TBC1D16: variants seen among roughly 807,000 people sequenced by gnomAD.
TBC1D16 encodes the protein CTD-2529O21.1.
In TBC1D16, 58 loss-of-function variants were observed where a neutral mutation model predicts 74.7. The observed-to-expected ratio is 0.78, with a 90% CI of 0.63 to 0.97. The LOEUF (loss-of-function observed/expected upper bound fraction) is 0.97, where lower values mean the gene tolerates loss of function less well. TBC1D16 is among the 50% of genes least tolerant of loss of function. The probability of loss-of-function intolerance (pLI) is 0.00; values close to 1 mark genes in which losing one functional copy is unlikely to be tolerated. For missense variants in TBC1D16, 1,014 were observed against 1,079.5 expected, an observed-to-expected ratio of 0.94 and a Z score of 0.85; for synonymous variants, 493 against 474.7, an observed-to-expected ratio of 1.04 and a Z score of -0.50.
rs887075318 is a variant in TBC1D16, at chr17:80,010,593, T to C, written c.346A>G (p.Thr116Ala). ...RKAPRPRGRR[T>A]RSSGASHQPS... ...TGGTGGGAGGCTCCTGAGCTCCGGG[T>C]GCGCCGGCCCCGAGGGCGGGGTGCC... Residue 116 changes from threonine (T) to alanine (A), a missense_variant, in exon 3 of 12, where the codon ACC becomes GCC. Transcript: ENST00000310924. This position sits in a 1 kb window ranked among gnomAD's most constrained non-coding sequence, Gnocchi z 8.8. 1 of 1,590,370 alleles carries C rather than the reference T, an allele frequency of 6.3e-7. No homozygotes were observed. The highest frequency in any genetic ancestry group is 1.1e-5 in the South Asian group (1 of 87,768).
intron 10 of TBC1D16, among the ~76,000 whole-genome samples, chr17:79,942,784 C>T (rs759530026): frequency 3.9e-5 from 6 of 152,196 alleles, no homozygotes; most frequent in Admixed American, 3.9e-4. Context: ...CCTAACAGAG[C>T]GGGCACAGCA....
chr17:79,948,795 C>G, intron 8 of TBC1D16, 77 bp downstream of exon 8: 18 of 1,587,804 alleles, frequency 1.1e-5, no homozygotes, highest in Admixed American at 1.0e-4. Flanking sequence ...TCGCTGGGGG[C>G]TCATCCACTT....
chr17:79,973,709 C>T (rs1358188249), intron 3 of TBC1D16, among the ~76,000 whole-genome samples: 1 of 95,258 alleles, frequency 1.0e-5, no homozygotes, highest in Non-Finnish European at 2.2e-5. Context: ...GACTCTGTCT[C>T]AAAAAAAAAA....
At position 80,035,653 on chromosome 17, in the gene TBC1D16, T is replaced by C. The variant is rs1158977129; in HGVS notation, c.-63+142A>G. Reference sequence around the variant, plus strand: ...AGGACGGCGGCCGGACCCCGGCCCCTCCCCGGTCCCGCGGCTGCAGGCCCA... The same window carrying C: ...AGGACGGCGGCCGGACCCCGGCCCCCCCCCGGTCCCGCGGCTGCAGGCCCA... On this transcript the variant is annotated intron_variant, in intron 1 of 11. Transcript: ENST00000310924. The surrounding 1 kb of genome is among the most constrained non-coding windows in gnomAD (Gnocchi z 5.3). The C allele has an allele frequency of 6.7e-6, 1 of 149,116 alleles. No individual in the cohort carries two copies. Among genetic ancestry groups the C allele is most frequent in the Non-Finnish European group, 1.5e-5 (1 of 67,086 alleles). The allele number at this position is 149,116 out of a possible 1,614,324, so 9.2% of individuals were successfully genotyped here.
intron 10 of TBC1D16, among the ~76,000 whole-genome samples, chr17:79,943,638 G>A (rs1337196732): frequency 4.1e-5 from 6 of 146,514 alleles, no homozygotes; most frequent in East Asian, 2.0e-4. Context: ...CAAGCCCACA[G>A]TCTGAAAACA....
intron 3 of TBC1D16, among the ~76,000 whole-genome samples, chr17:79,959,663 A>G (rs1264873665): frequency 6.6e-6 from 1 of 152,176 alleles, no homozygotes; most frequent in African/African-American, 2.4e-5. Context: ...GGATATCTGC[A>G]TGAAAAAAAT....
Position 79,948,932 on chromosome 17 carries a change from C to T in TBC1D16, c.1481G>A (p.Arg494Gln). ...GAAGAACTGGTTGTTCCGATCTGTC[C>T]GGACCACGTCTTTGTCCACAGTGAA... Reference protein sequence around the residue: ...VQFTVDKDVVRTDRNNQFFRG... With the variant: ...VQFTVDKDVVQTDRNNQFFRG... Residue 494 changes from arginine (R) to glutamine (Q), a missense_variant, in exon 8 of 12, where the codon CGG becomes CAG. Coordinates refer to ENST00000310924, the MANE Select transcript of TBC1D16 (RefSeq NM_019020.4). 1.9e-6 allele frequency: 3 copies of T among 1,614,140 alleles called. No homozygotes were observed. The highest frequency in any genetic ancestry group is 2.2e-5 in the East Asian group (1 of 44,876).
intron 3 of TBC1D16, among the ~76,000 whole-genome samples, chr17:79,974,180 C>T (rs1036949346): frequency 6.6e-5 from 10 of 152,196 alleles, no homozygotes; most frequent in African/African-American, 1.9e-4. Context: ...CATTACTCTA[C>T]CAGAATGGCA....
chr17:79,951,159 A>G (rs1028211863), intron 5 of TBC1D16, among the ~76,000 whole-genome samples: 6 of 152,360 alleles, frequency 3.9e-5, no homozygotes, highest in African/African-American at 1.4e-4. Flanking sequence ...AGTACCTTAA[A>G]CAGATAATTA....
intron 3 of TBC1D16, among the ~76,000 whole-genome samples, chr17:80,005,590 C>T (rs994638621): frequency 1.3e-5 from 2 of 152,172 alleles, no homozygotes; most frequent in Admixed American, 6.5e-5. Context: ...GGTCTCAGGG[C>T]GGGGAGGCAG....
rs187407183 is a variant in TBC1D16, at chr17:79,996,285, G to A, written c.779+13875C>T. Among the ~76,000 whole-genome samples the A allele has an allele frequency of 3.7e-3, 563 of 152,138 alleles. 2 individuals are homozygous for A. The highest frequency in any genetic ancestry group is 5.8e-3 in the Non-Finnish European group (393 of 68,008). Reference sequence around the variant, plus strand: ...CAAAGGTTGTCCCCATAAGCCTTTCGATATATATTATTAAGATATAAGAAG... The same window carrying A: ...CAAAGGTTGTCCCCATAAGCCTTTCAATATATATTATTAAGATATAAGAAG... On this transcript the variant is annotated intron_variant, in intron 3 of 11. Transcript: ENST00000310924.
intron 3 of TBC1D16, among the ~76,000 whole-genome samples, chr17:79,960,396 A>C (rs2033539625): frequency 6.6e-6 from 1 of 152,164 alleles, no homozygotes; most frequent in Non-Finnish European, 1.5e-5. Flanking sequence ...AATAGAAAGA[A>C]ACCTCAATGC....
intron 2 of TBC1D16, among the ~76,000 whole-genome samples, chr17:80,012,234 G>A (rs952313016): frequency 6.6e-6 from 1 of 152,240 alleles, no homozygotes; most frequent in African/African-American, 2.4e-5. Context: ...AGGCTGAGAA[G>A]TGTTTCCACA....
Position 79,944,956 on chromosome 17 carries a change from G to A in TBC1D16, c.1860C>T (p.Pro620=), listed in dbSNP as rs376608231. 2.2e-5 allele frequency: 35 copies of A among 1,556,248 alleles called. No homozygotes were observed. The highest frequency in any genetic ancestry group is 4.8e-5 in the East Asian group (2 of 41,832). ...WLLLCFKREF[P]EAEALRIWEA... The stretch of plus-strand genomic sequence containing the variant: ...CCCAGATCCGCAGCGCTTCGGCCTC[G>A]GGGAACTCCCGCTTGAAGCACAGAA... Residue 620 remains proline, a synonymous_variant, in exon 10 of 12, where the codon CCC becomes CCT. Coordinates refer to ENST00000310924, the MANE Select transcript of TBC1D16 (RefSeq NM_019020.4). The surrounding 1 kb of genome is among the most constrained non-coding windows in gnomAD (Gnocchi z 7.7).
rs1490596220 is a variant in TBC1D16, at chr17:79,950,613, C to T, written c.1090-35G>A. 29 of 1,600,370 alleles carry T rather than the reference C, an allele frequency of 1.8e-5. No homozygotes were observed. The highest frequency in any genetic ancestry group is 2.3e-5 in the Non-Finnish European group (27 of 1,173,554). ...AGGAAAACTGGGCAAAGGTCAGGAT[C>T]TCAGCCGCGCGGCTTCAGAGGCCAG... On this transcript the variant is annotated intron_variant, in intron 5 of 11. Coordinates refer to ENST00000310924, the MANE Select transcript of TBC1D16 (RefSeq NM_019020.4). The surrounding 1 kb of genome is among the most constrained non-coding windows in gnomAD (Gnocchi z 4.6).
intron 3 of TBC1D16, among the ~76,000 whole-genome samples, chr17:79,995,203 G>A (rs995092181): frequency 3.3e-5 from 5 of 152,026 alleles, no homozygotes; most frequent in African/African-American, 1.2e-4. Flanking sequence ...CGGAGGCTGA[G>A]GTAGGAGAAT....
intron 1 of TBC1D16, among the ~76,000 whole-genome samples, chr17:80,021,111 G>A (rs2036267389): frequency 6.7e-6 from 1 of 149,932 alleles, no homozygotes; most frequent in Admixed American, 6.6e-5. Flanking sequence ...AATTAGACAG[G>A]CATGGTGGTG....
At position 79,933,329 on chromosome 17, in the gene TBC1D16, C is replaced by T. The variant is rs71387957; in HGVS notation, c.*7530G>A. On this transcript the variant is annotated 3_prime_UTR_variant, in exon 12 of 12. Coordinates refer to ENST00000310924, the MANE Select transcript of TBC1D16 (RefSeq NM_019020.4). ...GTCTCACTGGGACGAAGAGGGGGCA[C>T]AGATGCAGGTATGCCCAGGTACCTG... The T allele has an allele frequency of 6.6e-6, 1 of 152,132 alleles. No homozygotes were observed. Among genetic ancestry groups the T allele is most frequent in the Non-Finnish European group, 1.5e-5 (1 of 68,052 alleles). The allele number at this position is 152,132 out of a possible 1,614,324, so 9.4% of individuals were successfully genotyped here.
chr17:79,964,927 C>T (rs2033776840), intron 3 of TBC1D16, among the ~76,000 whole-genome samples: 1 of 151,810 alleles, frequency 6.6e-6, no homozygotes, highest in Non-Finnish European at 1.5e-5. Flanking sequence ...TATTTTATAC[C>T]TATGCAAGTG....
Sources: gnomAD v4.1 joint callset for allele counts (sites outside exome capture counted in the v4.1 genomes callset) on GRCh38, gnomAD v4.1.1 for gene constraint, Gnocchi (gnomAD v3.1) non-coding constraint, MANE v1.5 for transcripts, NCBI Gene and HGNC (gene_info 2026-07-23, HGNC 2026-07-21) for gene names.